The following ANO3 variants were observed in gnomAD, a reference collection of about 807,000 sequenced individuals.
The protein encoded by ANO3 is anoctamin-3.
A neutral mutation model predicts 144.8 loss-of-function variants in ANO3; 99 were observed. That is an observed-to-expected ratio of 0.68 (90% CI 0.58 to 0.81). The LOEUF (loss-of-function observed/expected upper bound fraction) is 0.81, where lower values mean the gene tolerates loss of function less well. Among genes scored for constraint, ANO3 ranks in the 30% least tolerant of loss-of-function variants. The pLI, the probability that ANO3 is intolerant of heterozygous loss-of-function variation, is 0.00. For missense variants in ANO3, 905 were observed against 1,202.2 expected (o/e 0.75, Z 3.66); for synonymous variants, 414 against 392.6 (o/e 1.05, Z -0.64).
At chr11:26,563,338 T>C (rs1850372283) in intron 14 of ANO3, 1 of 1,405,464 alleles carries the variant, frequency 7.1e-7, no homozygotes, top group Non-Finnish European at 9.6e-7. Context: ...ATGTGAACTT[T>C]CCATATAACA....
At chr11:26,192,379 C>CT (rs1554920420) in intron 1 of ANO3, among the ~76,000 whole-genome samples, 2 of 151,966 alleles carry the variant, frequency 1.3e-5, no homozygotes, top group Non-Finnish European at 2.9e-5. Context: ...AGAGGTCTAC[C>CT]TTTTTAATCT....
upstream of ANO3, among the ~76,000 whole-genome samples, chr11:26,308,400 C>G (rs1038571014): frequency 6.6e-6 from 1 of 152,152 alleles, no homozygotes; most frequent in African/African-American, 2.4e-5. Flanking sequence ...AGAATTCACT[C>G]AACCATTATA....
chr11:26,554,463 T>C (rs1249662372), intron 13 of ANO3, among the ~76,000 whole-genome samples: 1 of 152,148 alleles, frequency 6.6e-6, no homozygotes, highest in African/African-American at 2.4e-5. Flanking sequence ...ACTGGTTGGA[T>C]CATGTGATAG....
chr11:26,488,925 A>T (rs1013866830), intron 4 of ANO3, among the ~76,000 whole-genome samples: 2 of 152,078 alleles, frequency 1.3e-5, no homozygotes, highest in African/African-American at 4.8e-5. Context: ...TGATTGGTCC[A>T]CTTTATAGAG....
At chr11:26,566,032 C>T (rs1483102457) in intron 14 of ANO3, 1 of 966,392 alleles carries the variant, frequency 1.0e-6, no homozygotes, top group Non-Finnish European at 1.4e-6. Flanking sequence ...TCCAAAATTG[C>T]TTATTTTGGA....
intron 1 of ANO3, among the ~76,000 whole-genome samples, chr11:26,325,287 C>A (rs923759844): frequency 6.6e-6 from 1 of 151,994 alleles, no homozygotes; most frequent in Non-Finnish European, 1.5e-5. Flanking sequence ...TATATCCTAG[C>A]TGAATTTTGC....
intron 4 of ANO3, among the ~76,000 whole-genome samples, chr11:26,501,233 T>C (rs1861181854): frequency 6.6e-6 from 1 of 152,162 alleles, no homozygotes; most frequent in African/African-American, 2.4e-5. Flanking sequence ...AACATTGGAC[T>C]GCAGAGGCAA....
chr11:26,297,210 T>TGC (rs910364624), intron 1 of ANO3, among the ~76,000 whole-genome samples: 2 of 151,896 alleles, frequency 1.3e-5, no homozygotes, highest in African/African-American at 4.8e-5. Context: ...TGTGTGTGTG[T>TGC]GAATTTCTTT....
At chr11:26,358,444 A>T (rs1433982478) in intron 1 of ANO3, among the ~76,000 whole-genome samples, 1 of 152,214 alleles carries the variant, frequency 6.6e-6, no homozygotes, top group Non-Finnish European at 1.5e-5. Context: ...TGCTGGGATG[A>T]CAGGCATAAG....
At chr11:26,551,278 T>G (rs1470770222) in intron 12 of ANO3, among the ~76,000 whole-genome samples, 1 of 152,012 alleles carries the variant, frequency 6.6e-6, no homozygotes, top group Non-Finnish European at 1.5e-5. Context: ...GATGTGTATA[T>G]TTAGCAATAA....
At position 26,649,580 on chromosome 11, in the gene ANO3, T is replaced by C. The variant is rs191744978; in HGVS notation, c.2576+1724T>C. Among the ~76,000 whole-genome samples the C allele has an allele frequency of 1.2e-4, 18 of 151,988 alleles. No homozygotes were observed. In the East Asian group the frequency reaches 3.3e-3, roughly 28 times the overall value. The stretch of plus-strand genomic sequence containing the variant: ...GGTGAAACCCCCTCACTACTAAAAA[T>C]ACAAAAATTAGCTGGGCGTGGTGGC... On this transcript the variant is annotated intron_variant, in intron 24 of 26. Transcript: ENST00000256737.
chr11:26,250,822 T>C (rs769271627), intron 1 of ANO3, among the ~76,000 whole-genome samples: 2 of 152,218 alleles, frequency 1.3e-5, no homozygotes, highest in South Asian at 2.1e-4. Context: ...AGTAAATCCA[T>C]AGGAAGTTGA....
intron 1 of ANO3, among the ~76,000 whole-genome samples, chr11:26,207,616 T>TA (rs1265293448): frequency 1.3e-5 from 2 of 151,956 alleles, no homozygotes; most frequent in African/African-American, 4.8e-5. Context: ...GCACTCTAAT[T>TA]AAAAAAAGAA....
At chr11:26,405,193 T>C (rs940219272) in intron 1 of ANO3, among the ~76,000 whole-genome samples, 10 of 151,712 alleles carry the variant, frequency 6.6e-5, no homozygotes, top group African/African-American at 2.2e-4. Context: ...AGAAGAATAA[T>C]TTCATTAGGT....
rs867193397 is a variant in ANO3 at position 26,250,736 on chromosome 11, A to G, written c.155-58909A>G. On this transcript the variant is annotated intron_variant, in intron 1 of 27. Coordinates refer to the ANO3 transcript ENST00000672621. ...TTACTTAAACTGTTAAATAAATGTG[A>G]TAGTATATGAGTCTCTTTCCAAATT... Among the ~76,000 whole-genome samples, 3 of 152,350 alleles carry G rather than the reference A, an allele frequency of 2.0e-5. No individual in the cohort carries two copies. The South Asian group carries it at 6.2e-4, about 32-fold the overall frequency.
chr11:26,560,366 C>T (rs1850239299), intron 14 of ANO3: 1 of 151,854 alleles, frequency 6.6e-6, no homozygotes, highest in Non-Finnish European at 1.5e-5. Context: ...TATATTAAGA[C>T]AAGTTAAAAT....
chr11:26,253,426 G>T (rs1040706347), intron 1 of ANO3, among the ~76,000 whole-genome samples: 1 of 152,022 alleles, frequency 6.6e-6, no homozygotes, highest in Non-Finnish European at 1.5e-5. Context: ...AGAGGAGGGA[G>T]AGGATCAGGA....
chr11:26,232,116 C>A (rs1852412726), intron 1 of ANO3, among the ~76,000 whole-genome samples: 2 of 152,260 alleles, frequency 1.3e-5, no homozygotes, highest in African/African-American at 2.4e-5. Flanking sequence ...TTCTAGGGAA[C>A]CTCCTCTATT....
At position 26,660,529 on chromosome 11, in the gene ANO3, A is replaced by C; in HGVS notation, c.*85A>C. 1 of 1,338,758 alleles carries C rather than the reference A, an allele frequency of 7.5e-7. No homozygotes were observed. 82.9% of individuals were successfully genotyped at this position (1,338,758 alleles called of 1,614,324 possible). A position where few individuals can be genotyped will look rare whatever the true frequency, so the allele number is the denominator to read the frequency against. On this transcript the variant is annotated 3_prime_UTR_variant, in exon 27 of 27. Coordinates refer to ENST00000256737, the MANE Select transcript of ANO3 (RefSeq NM_031418.4). Reference sequence around the variant, plus strand: ...GAATGCTAGGTGAAATCTAGGAGGAAGGCATACTTGGCAAACCACATGTAT... The same window carrying C: ...GAATGCTAGGTGAAATCTAGGAGGACGGCATACTTGGCAAACCACATGTAT...
Sources: gnomAD v4.1 joint callset for allele counts (sites outside exome capture counted in the v4.1 genomes callset) on GRCh38, gnomAD v4.1.1 for gene constraint, MANE v1.5 for transcripts, NCBI Gene and HGNC (gene_info 2026-07-23, HGNC 2026-07-21) for gene names.